The following CUL2 variants were observed in gnomAD, a reference collection of about 807,000 sequenced individuals.
CUL2 encodes cullin 2, also known as cullin-2.
CUL2 carries 22 observed loss-of-function variants against 110.2 expected under a neutral mutation model. The observed-to-expected ratio is 0.20, with a 90% CI of 0.14 to 0.28. The LOEUF is 0.28. Among genes scored for constraint, CUL2 ranks in the 10% least tolerant of loss-of-function variants. The pLI is 1.00. For missense variants in CUL2, 631 were observed against 905.5 expected, an observed-to-expected ratio of 0.70 and a Z score of 3.89; for synonymous variants, 279 against 293.2, an observed-to-expected ratio of 0.95 and a Z score of 0.49.
chr10:35,072,601 C>T (rs1564739374), intron 1 of CUL2, among the ~76,000 whole-genome samples: 2 of 152,130 alleles, frequency 1.3e-5, no homozygotes, highest in Admixed American at 1.3e-4. Context: ...ATCTCCTGAC[C>T]TCGTGATCCG....
chr10:35,080,433 TTTTATTTATTTATTTATTTA>T (rs139166454), intron 1 of CUL2, among the ~76,000 whole-genome samples: 4 of 140,634 alleles, frequency 2.8e-5, no homozygotes, highest in Admixed American at 1.4e-4. Context: ...GAATTCCTAT[TTTTATTTATTTATTTATTTA>T]TTTATTTATT....
chr10:35,047,565 G>A (rs1222548180), intron 6 of CUL2, among the ~76,000 whole-genome samples: 6 of 144,236 alleles, frequency 4.2e-5, no homozygotes, highest in East Asian at 4.2e-4. Flanking sequence ...AGCTAAGATC[G>A]TGCAATTGCA....
chr10:35,066,053 G>C (rs552815990), intron 2 of CUL2, among the ~76,000 whole-genome samples: 1 of 152,228 alleles, frequency 6.6e-6, no homozygotes, highest in Admixed American at 6.5e-5. Context: ...GCAACCAAAA[G>C]ACAGTCCTAA....
At chr10:35,017,422 G>A (rs190334185) in intron 17 of CUL2, among the ~76,000 whole-genome samples, 75 of 152,164 alleles carry the variant, frequency 4.9e-4, no homozygotes, top group African/African-American at 1.2e-3. Context: ...TGCTGGGCAC[G>A]GTAGCTTATG....
chr10:35,049,337 AACAGGTAATATGTACAAGCAACTCAGGGC>A (rs1323723166), intron 6 of CUL2, among the ~76,000 whole-genome samples: 1 of 152,202 alleles, frequency 6.6e-6, no homozygotes, highest in Non-Finnish European at 1.5e-5. Context: ...CGAGGATTTA[AACAGGTAATATGTACAAGCAACTCAGGGC>A]ACTGCCTAGA....
chr10:35,097,723 C>T (rs1449821225), intron 2 of CUL2, among the ~76,000 whole-genome samples: 2 of 151,996 alleles, frequency 1.3e-5, no homozygotes, highest in African/African-American at 4.8e-5. Flanking sequence ...CTTTGGGAGT[C>T]CATGGTGGGT....
At chr10:35,110,566 A>G (rs2087512750) in intron 1 of CUL2, among the ~76,000 whole-genome samples, 1 of 152,170 alleles carries the variant, frequency 6.6e-6, no homozygotes, top group South Asian at 2.1e-4. Flanking sequence ...CCTTGTCTAA[A>G]AAAATAAAAT....
At chr10:35,102,242 A>T (rs529410320) in intron 1 of CUL2, among the ~76,000 whole-genome samples, 3 of 152,088 alleles carry the variant, frequency 2.0e-5, no homozygotes, top group East Asian at 1.9e-4. Flanking sequence ...CTCAAAAAAC[A>T]ATAATAATAA....
At chr10:35,107,845 G>T (rs1484740005) in intron 1 of CUL2, among the ~76,000 whole-genome samples, 1 of 117,758 alleles carries the variant, frequency 8.5e-6, no homozygotes, top group African/African-American at 3.4e-5. Flanking sequence ...TCGCGCCACT[G>T]CACTCCAGCC....
chr10:35,102,379 C>T (rs905558142), intron 1 of CUL2, among the ~76,000 whole-genome samples: 1 of 152,058 alleles, frequency 6.6e-6, no homozygotes, highest in Non-Finnish European at 1.5e-5. Flanking sequence ...CAAGACCAGC[C>T]TGGCCAACAT....
chr10:35,017,448 C>A (rs938460679), intron 17 of CUL2, among the ~76,000 whole-genome samples: 2 of 152,070 alleles, frequency 1.3e-5, no homozygotes, highest in African/African-American at 4.8e-5. Context: ...AATCCCAGCA[C>A]TTTGAAAGGC....
Position 35,085,649 on chromosome 10 carries a change from C to A in CUL2, c.-23+4530G>T, listed in dbSNP as rs192984072. Among the ~76,000 whole-genome samples, 845 of 131,440 alleles carry A rather than the reference C, an allele frequency of 6.4e-3. 8 individuals are homozygous for A. The highest frequency in any genetic ancestry group is 0.023 in the African/African-American group (799 of 34,162). The allele number at this position is 131,440 out of a possible 152,430, so 86.2% of individuals were successfully genotyped here. ...GTCCCAGCTACTCGGGAGGCTGAGG[C>A]AGAATGGTGTGAACCCGGGAACCAG... is the stretch of plus-strand genomic sequence containing the variant. On this transcript the variant is annotated intron_variant, in intron 1 of 20. Transcript: ENST00000374749.
intron 1 of CUL2, among the ~76,000 whole-genome samples, chr10:35,101,282 T>TTA (rs747493399): frequency 6.6e-5 from 10 of 152,226 alleles, no homozygotes; most frequent in Non-Finnish European, 1.2e-4. Context: ...CAATAGTGGC[T>TTA]TATAATTGTG....
chr10:35,035,358 TGGATCCAAGTGCAGGAGTACAATATAC>T lies in CUL2; in HGVS notation c.878-89_878-63del, dbSNP rs914113938. The T allele has an allele frequency of 6.7e-5, 105 of 1,566,942 alleles. No homozygotes were observed. In the Middle Eastern group the frequency reaches 6.7e-4, roughly 10 times the overall value. On this transcript the variant is annotated intron_variant, in intron 9 of 20. Transcript: ENST00000374749. The stretch of plus-strand genomic sequence containing the variant: ...ATATTTTCATTTATTAGGTAATATA[TGGATCCAAGTGCAGGAGTACAATATAC>T]GGATCCAAGTGCAGAGCACCCAGAG...
intron 19 of CUL2, among the ~76,000 whole-genome samples, chr10:35,013,435 C>T (rs888348815): frequency 1.5e-4 from 22 of 151,682 alleles, no homozygotes; most frequent in Non-Finnish European, 2.8e-4. Context: ...TGGGAATTTT[C>T]GGAGAGAATG....
intron 1 of CUL2, among the ~76,000 whole-genome samples, chr10:35,110,174 A>T (rs2087508534): frequency 6.6e-6 from 1 of 152,192 alleles, no homozygotes; most frequent in Non-Finnish European, 1.5e-5. Context: ...ACAAAACAAA[A>T]CAACAAATGA....
chr10:35,055,285 C>T (rs1247395831), intron 4 of CUL2, among the ~76,000 whole-genome samples: 1 of 152,138 alleles, frequency 6.6e-6, no homozygotes, highest in Non-Finnish European at 1.5e-5. Flanking sequence ...ACTGACAATA[C>T]AAGTATTTTA....
In CUL2 at chr10:35,038,921, A is replaced by T; in HGVS notation, c.876T>A (p.Asn292Lys). 1 of 1,580,572 alleles carries T rather than the reference A, an allele frequency of 6.3e-7. No homozygotes were observed. The highest frequency in any genetic ancestry group is 8.6e-7 in the Non-Finnish European group (1 of 1,161,788). ...CHNIIRQEKK[N>K]DMANMYVLLR... Reference sequence around the variant, plus strand: ...CTACTCATGTTTGGTGTCACTTACCATTTTTTTTCTCTTGTCGAATTATAT... The same window carrying T: ...CTACTCATGTTTGGTGTCACTTACCTTTTTTTTTCTCTTGTCGAATTATAT... Residue 292 changes from asparagine to lysine, a missense_variant and splice_region_variant, in exon 9 of 21, where the codon AAT becomes AAA. Asn to Lys is a moderately conservative substitution (Grantham distance 94). Coordinates refer to ENST00000374749, the MANE Select transcript of CUL2 (RefSeq NM_003591.4).
In CUL2 at chr10:35,010,334, C is replaced by G; in HGVS notation, c.2215G>C (p.Asp739His). The change falls in exon 21 of 21, where the codon GAT becomes CAT. Residue 739 changes from aspartate (D) to histidine (H), a missense_variant. Around this residue, in one of 3 missense-constraint regions of CUL2, gnomAD observed 159 missense variants for 202.7 expected, o/e 0.78. Coordinates refer to ENST00000374749, the MANE Select transcript of CUL2 (RefSeq NM_003591.4). ...QYIERSQASA[D>H]EYSYVA ...CATCACGCGACGTAGCTGTATTCATCTGCCGACGCCTGGCTGCGTTCTATG... is the reference window on the plus strand; with the variant it reads ...CATCACGCGACGTAGCTGTATTCATGTGCCGACGCCTGGCTGCGTTCTATG... The G allele has an allele frequency of 6.2e-7, 1 of 1,610,614 alleles. No individual in the cohort carries two copies. The highest frequency in any genetic ancestry group is 1.1e-5 in the South Asian group (1 of 90,540).
Sources: allele counts gnomAD v4.1 joint callset (sites outside exome capture counted in the v4.1 genomes callset), GRCh38; gene constraint gnomAD v4.1.1; regional missense constraint gnomAD v4.1.1; transcripts MANE v1.5; gene names NCBI Gene and HGNC (gene_info 2026-07-23, HGNC 2026-07-21).